Variants in ST7L observed in about 807,000 individuals in gnomAD.
ST7L encodes suppression of tumorigenicity 7 like, also known as suppressor of tumorigenicity 7 protein-like.
A neutral mutation model predicts 72.5 loss-of-function variants in ST7L; 57 were observed. The observed-to-expected ratio is 0.79, with a 90% CI of 0.64 to 0.98. The LOEUF (loss-of-function observed/expected upper bound fraction) is 0.98. ST7L is among the 50% of genes least tolerant of loss of function. The pLI, the probability that ST7L is intolerant of heterozygous loss-of-function variation, is 0.00. For missense variants in ST7L, 576 were observed against 672.2 expected (o/e 0.86, Z 1.58); for synonymous variants, 221 against 240.9 (o/e 0.92, Z 0.77).
intron 1 of ST7L, chr1:112,617,963 C>A (rs897573830): frequency 7.7e-7 from 1 of 1,299,394 alleles, no homozygotes; most frequent in South Asian, 1.2e-5. Context: ...GAACTTGATA[C>A]CTATCCTCCA....
chr1:112,569,655 T>C (rs1457426561), intron 11 of ST7L, among the ~76,000 whole-genome samples: 1 of 152,164 alleles, frequency 6.6e-6, no homozygotes, highest in African/African-American at 2.4e-5. Context: ...ATGTAAATTA[T>C]CTCAATAAGA....
chr1:112,608,280 A>T (rs1018910834), intron 3 of ST7L, among the ~76,000 whole-genome samples: 4 of 152,128 alleles, frequency 2.6e-5, no homozygotes, highest in African/African-American at 9.7e-5. Context: ...CAGCCTCCTA[A>T]AGCACTAGAA....
chr1:112,610,138 T>C (rs558916893), intron 3 of ST7L, among the ~76,000 whole-genome samples: 1 of 152,204 alleles, frequency 6.6e-6, no homozygotes, highest in South Asian at 2.1e-4. Flanking sequence ...GGAAGTAAGG[T>C]GAAATAGTAT....
chr1:112,581,902 G>A (rs1225846792), intron 9 of ST7L, 90 bp downstream of exon 9: 3 of 940,416 alleles, frequency 3.2e-6, no homozygotes, highest in Non-Finnish European at 5.0e-6. Flanking sequence ...AGAACAGAAA[G>A]AGAAAATTAA....
At chr1:112,604,809 G>A (rs929997679) in intron 3 of ST7L, among the ~76,000 whole-genome samples, 1 of 148,690 alleles carries the variant, frequency 6.7e-6, no homozygotes, top group African/African-American at 2.5e-5. Flanking sequence ...AAAAAGACTG[G>A]GCGTGGTGGC....
At chr1:112,570,545 GTATA>G (rs71584748) in intron 11 of ST7L, among the ~76,000 whole-genome samples, 93 of 130,904 alleles carry the variant, frequency 7.1e-4, no homozygotes, top group African/African-American at 1.7e-3. Flanking sequence ...AATAAAAGAT[GTATA>G]TATATATATA....
chr1:112,547,120 G>C (rs183445564), intron 13 of ST7L, among the ~76,000 whole-genome samples: 1 of 151,488 alleles, frequency 6.6e-6, no homozygotes, highest in Non-Finnish European at 1.5e-5. Context: ...CCAAGTCACC[G>C]AAGTCAGAAA....
intron 3 of ST7L, among the ~76,000 whole-genome samples, chr1:112,605,431 C>T (rs997344787): frequency 1.3e-5 from 2 of 151,544 alleles, no homozygotes; most frequent in Non-Finnish European, 2.9e-5. Flanking sequence ...TGGCTCATGC[C>T]TGTAATCCCA....
At position 112,599,076 on chromosome 1, in the gene ST7L, ATATATATATATAT is replaced by A. The variant is rs1558040698; in HGVS notation, c.507-1003_507-991del. ...CTCAGCCTCAAAAAAAAAAAAAAAT[ATATATATATATAT>A]ATATATATATATATATATATATGTG... On this transcript the variant is annotated intron_variant, in intron 4 of 14. Transcript: ENST00000358039. Among the ~76,000 whole-genome samples, 356 of 42,732 alleles carry A rather than the reference ATATATATATATAT, an allele frequency of 8.3e-3. 47 individuals carry two copies. Among genetic ancestry groups the A allele is most frequent in the African/African-American group, 0.032 (322 of 10,010 alleles). The allele number at this position is 42,732 out of a possible 152,430, so 28.0% of individuals were successfully genotyped here.
downstream of ST7L, among the ~76,000 whole-genome samples, chr1:112,519,872 C>CTTCTTTTTTTTTTTTTTTTTTTTTT (rs10634267): frequency 1.7e-5 from 2 of 115,650 alleles, 1 homozygote; most frequent in Non-Finnish European, 3.6e-5. Flanking sequence ...GCCCATGCTT[C>CTTCTTTTTTTTTTTTTTTTTTTTTT]TTTTTTTTTT....
intron 11 of ST7L, among the ~76,000 whole-genome samples, chr1:112,564,616 A>C (rs1660662972): frequency 6.6e-6 from 1 of 152,252 alleles, no homozygotes; most frequent in Admixed American, 6.5e-5. Context: ...CAGGAGTTCA[A>C]GACCAGCCTG....
chr1:112,541,923 C>A (rs1169855879), intron 14 of ST7L, 28 bp downstream of exon 14: 1 of 1,607,558 alleles, frequency 6.2e-7, no homozygotes, highest in Admixed American at 1.7e-5. Flanking sequence ...TACAAATAAT[C>A]TACACAAGTC....
intron 14 of ST7L, chr1:112,539,053 C>T (rs1655663864): frequency 6.6e-6 from 1 of 152,236 alleles, no homozygotes; most frequent in Admixed American, 6.5e-5. Flanking sequence ...AATGCTGCCT[C>T]TTTTCCACCT....
intron 11 of ST7L, among the ~76,000 whole-genome samples, chr1:112,569,122 G>A (rs2101741715): frequency 6.6e-6 from 1 of 152,132 alleles, no homozygotes; most frequent in East Asian, 1.9e-4. Flanking sequence ...ATTGCTGAGG[G>A]AATGTAAAAT....
intron 1 of ST7L, among the ~76,000 whole-genome samples, chr1:112,617,605 G>C (rs1431465336): frequency 6.6e-6 from 1 of 151,902 alleles, no homozygotes; most frequent in Non-Finnish European, 1.5e-5. Flanking sequence ...CCAGCTACTT[G>C]GGAGGCTGAG....
At chr1:112,591,324 C>T (rs979568329) in intron 6 of ST7L, among the ~76,000 whole-genome samples, 2 of 152,084 alleles carry the variant, frequency 1.3e-5, no homozygotes, top group Non-Finnish European at 2.9e-5. Flanking sequence ...AATTTCTATT[C>T]AAAAGCATAT....
chr1:112,593,474 C>T (rs765628494), intron 5 of ST7L, among the ~76,000 whole-genome samples: 1 of 152,076 alleles, frequency 6.6e-6, no homozygotes, highest in East Asian at 1.9e-4. Flanking sequence ...AACAGATCAG[C>T]AGTTATCATA....
intron 13 of ST7L, among the ~76,000 whole-genome samples, chr1:112,543,131 G>A (rs1249880234): frequency 1.3e-5 from 2 of 152,170 alleles, no homozygotes; most frequent in Admixed American, 6.5e-5. Context: ...TTCTTTGGGA[G>A]CTCAAAGACT....
chr1:112,612,771 C>A (rs1669272994), intron 2 of ST7L, among the ~76,000 whole-genome samples: 1 of 151,910 alleles, frequency 6.6e-6, no homozygotes, highest in South Asian at 2.1e-4. Context: ...TTTACACAAG[C>A]AGAAACTGTT....
Sources: allele counts gnomAD v4.1 joint callset (sites outside exome capture counted in the v4.1 genomes callset), GRCh38; gene constraint gnomAD v4.1.1; transcripts MANE v1.5; gene names NCBI Gene and HGNC (gene_info 2026-07-23, HGNC 2026-07-21).